DENND2A: variants seen among roughly 807,000 people sequenced by gnomAD.
DENND2A encodes the protein DENN domain containing 2A.
A neutral mutation model predicts 105.3 loss-of-function variants in DENND2A; 53 were observed. The observed-to-expected ratio is 0.50, with a 90% confidence interval of 0.40 to 0.63. The LOEUF (loss-of-function observed/expected upper bound fraction) is 0.63, where lower values mean the gene tolerates loss of function less well. Among genes scored for constraint, DENND2A ranks in the 30% least tolerant of loss-of-function variants. The pLI, the probability that DENND2A is intolerant of heterozygous loss-of-function variation, is 0.00. For missense variants in DENND2A, 1,138 were observed against 1,279.6 expected (o/e 0.89, Z 1.69); for synonymous variants, 522 against 508.4 (o/e 1.03, Z -0.36).
chr7:140,617,280 G>A (rs1490563702), intron 1 of DENND2A, among the ~76,000 whole-genome samples: 1 of 152,228 alleles, frequency 6.6e-6, no homozygotes, highest in East Asian at 1.9e-4. Flanking sequence ...GATGCTTGGA[G>A]ATGCTGCTCT....
chr7:140,626,778 C>T (rs1400832765), intron 1 of DENND2A, among the ~76,000 whole-genome samples: 1 of 152,202 alleles, frequency 6.6e-6, no homozygotes, highest in African/African-American at 2.4e-5. Context: ...TAGAGGGAGA[C>T]GTCATCTTCC....
At chr7:140,599,369 A>G (rs1563168726) in intron 3 of DENND2A, among the ~76,000 whole-genome samples, 1 of 152,032 alleles carries the variant, frequency 6.6e-6, no homozygotes, top group Non-Finnish European at 1.5e-5. Context: ...TGAAGTTAAA[A>G]TAATAGTTTG....
intron 6 of DENND2A, among the ~76,000 whole-genome samples, chr7:140,572,109 TTCTC>T (rs1363873076): frequency 2.0e-5 from 3 of 152,054 alleles, no homozygotes; most frequent in Middle Eastern, 3.2e-3. Context: ...GCTCAAGTGA[TTCTC>T]TCTCACCTCA....
At chr7:140,618,510 G>A (rs1292850811) in intron 1 of DENND2A, among the ~76,000 whole-genome samples, 2 of 152,148 alleles carry the variant, frequency 1.3e-5, no homozygotes, top group African/African-American at 4.8e-5. Context: ...CAGGGAGTTA[G>A]GTCACATGTT....
intron 1 of DENND2A, among the ~76,000 whole-genome samples, chr7:140,633,522 C>T (rs913973855): frequency 1.3e-5 from 2 of 152,100 alleles, no homozygotes; most frequent in Non-Finnish European, 2.9e-5. Context: ...TTTTACCTAC[C>T]ATAAACTTGC....
intron 9 of DENND2A, 78 bp downstream of exon 9, chr7:140,567,008 A>G: frequency 7.4e-7 from 1 of 1,359,464 alleles, no homozygotes; most frequent in Non-Finnish European, 9.9e-7. Context: ...AGACTCCCAC[A>G]CCTCCCTCAA....
At chr7:140,614,473 C>A (rs1182324277) in intron 1 of DENND2A, among the ~76,000 whole-genome samples, 1 of 152,122 alleles carries the variant, frequency 6.6e-6, no homozygotes, top group East Asian at 1.9e-4. Context: ...GCAAAATAAA[C>A]CTCTAAATTA....
intron 12 of DENND2A, among the ~76,000 whole-genome samples, chr7:140,548,658 G>A (rs1796999096): frequency 6.6e-6 from 1 of 151,446 alleles, no homozygotes; most frequent in African/African-American, 2.4e-5. Context: ...TTGTTGCCCA[G>A]GCTGGGGTGC....
At chr7:140,613,818 A>G (rs1235557403) in intron 1 of DENND2A, among the ~76,000 whole-genome samples, 1 of 152,192 alleles carries the variant, frequency 6.6e-6, no homozygotes, top group Admixed American at 6.6e-5. Flanking sequence ...GTTCCACGAC[A>G]GCTGTAATTT....
intron 9 of DENND2A, among the ~76,000 whole-genome samples, chr7:140,566,523 A>C (rs1183662133): frequency 2.6e-5 from 4 of 152,048 alleles, no homozygotes; most frequent in Non-Finnish European, 5.9e-5. Flanking sequence ...CACAAGTATG[A>C]TGCTGCTTAG....
At chr7:140,526,888 T>A (rs1321217100) in intron 15 of DENND2A, among the ~76,000 whole-genome samples, 1 of 152,114 alleles carries the variant, frequency 6.6e-6, no homozygotes, top group Non-Finnish European at 1.5e-5. Context: ...CAAGCAGGAC[T>A]TTCCCCGCTT....
intron 1 of DENND2A, among the ~76,000 whole-genome samples, chr7:140,609,010 G>C (rs1799791208): frequency 6.6e-6 from 1 of 152,196 alleles, no homozygotes; most frequent in African/African-American, 2.4e-5. Flanking sequence ...TTGCTCGCAA[G>C]AAATCAAAGG....
chr7:140,604,910 C>T (rs1414377125), intron 2 of DENND2A, among the ~76,000 whole-genome samples: 1 of 152,148 alleles, frequency 6.6e-6, no homozygotes, highest in Non-Finnish European at 1.5e-5. Flanking sequence ...GTAATGTGCT[C>T]AAAGTACAGC....
At chr7:140,586,944 C>G (rs75708840) in intron 4 of DENND2A, among the ~76,000 whole-genome samples, 1 of 152,144 alleles carries the variant, frequency 6.6e-6, no homozygotes, top group Admixed American at 6.5e-5. Flanking sequence ...ACCTTTCACC[C>G]GCACCGTAAG....
intron 3 of DENND2A, among the ~76,000 whole-genome samples, chr7:140,600,152 G>T (rs1350961805): frequency 6.6e-6 from 1 of 152,004 alleles, no homozygotes; most frequent in Non-Finnish European, 1.5e-5. Flanking sequence ...ATTATTTTAG[G>T]AGGTGGTTAC....
chr7:140,611,654 G>A (rs192452586), intron 1 of DENND2A, among the ~76,000 whole-genome samples: 48 of 152,314 alleles, frequency 3.2e-4, no homozygotes, highest in African/African-American at 1.1e-3. Context: ...ATGAAGCACT[G>A]TTACATGCTA....
intron 3 of DENND2A, among the ~76,000 whole-genome samples, chr7:140,591,014 G>A (rs1227056297): frequency 6.6e-6 from 1 of 152,082 alleles, no homozygotes; most frequent in African/African-American, 2.4e-5. Context: ...AAATGAAGAT[G>A]GGGGTGGGCG....
intron 5 of DENND2A, among the ~76,000 whole-genome samples, chr7:140,581,832 G>C (rs1798557597): frequency 6.6e-6 from 1 of 152,182 alleles, no homozygotes; most frequent in South Asian, 2.1e-4. Context: ...CACCTACTGG[G>C]CTTAGCTGCT....
At chr7:140,528,233 C>G (rs1370613418) in intron 14 of DENND2A, among the ~76,000 whole-genome samples, 1 of 152,154 alleles carries the variant, frequency 6.6e-6, no homozygotes, top group Non-Finnish European at 1.5e-5. Context: ...AGCCTATTTT[C>G]TCATGAATGC....
Sources: gnomAD v4.1 joint callset for allele counts (sites outside exome capture counted in the v4.1 genomes callset) on GRCh38, gnomAD v4.1.1 for gene constraint, MANE v1.5 for transcripts, NCBI Gene and HGNC (gene_info 2026-07-23, HGNC 2026-07-21) for gene names.